Variants in DST observed in about 807,000 individuals in gnomAD.
DST encodes bullous pemphigoid antigen.
Under a neutral mutation model 875.2 loss-of-function variants are expected in DST, and 253 were observed. The observed-to-expected ratio is 0.29, with a 90% CI of 0.26 to 0.32. DST has a LOEUF of 0.32. Among genes scored for constraint, DST ranks in the 10% least tolerant of loss-of-function variants. The probability of loss-of-function intolerance (pLI) is 1.00; values close to 1 mark genes in which losing one functional copy is unlikely to be tolerated. For synonymous variants in DST, 3,124 were observed against 3,197.1 expected (o/e 0.98, Z 0.77); for missense variants, 8,287 against 9,111.6 (o/e 0.91, Z 3.68).
chr6:56,473,789 G>GC, intron 93 of DST, 84 bp downstream of exon 93: 1 of 1,358,152 alleles, frequency 7.4e-7, no homozygotes. Context: ...ATCACCAATT[G>GC]CCCCCAAATT....
At chr6:56,469,774 G>T in intron 97 of DST, 109 bp downstream of exon 97, 1 of 926,964 alleles carries the variant, frequency 1.1e-6, no homozygotes, top group East Asian at 2.5e-5. Context: ...TTTGACATGA[G>T]GTAAAAAAGT....
intron 2 of DST, among the ~76,000 whole-genome samples, chr6:56,947,611 G>C (rs1367905108): frequency 6.6e-6 from 1 of 152,146 alleles, no homozygotes; most frequent in African/African-American, 2.4e-5. Context: ...ATAATGTTAT[G>C]TCAAAGCCTT....
Position 56,607,844 on chromosome 6 carries a change from T to C in DST, c.6784A>G (p.Asn2262Asp), listed in dbSNP as rs556003488. The change falls in exon 40 of 104, where the codon AAT becomes GAT. Residue 2262 changes from asparagine to aspartate, a missense_variant. This residue lies in a region of DST where 3,138 missense variants were observed against 3,116.6 expected (regional missense o/e 1.01). Coordinates refer to ENST00000680361, the MANE Select transcript of DST (RefSeq NM_001374736.1). ...TCCTTTTCTCTACCTGAAGCATTAT[T>C]AAGAAATACACCAGATGAGCTTAAG... ...DVLSSSGVFL[N>D]NASGREKDEC... 278 of 1,613,600 alleles carry C rather than the reference T, an allele frequency of 1.7e-4. 1 individual carries two copies. The Middle Eastern group carries it at 2.1e-3, about 12-fold the overall frequency.
At position 56,605,688 on chromosome 6, in the gene DST, A is replaced by C; in HGVS notation, c.8940T>G (p.Asp2980Glu). 2.5e-6 allele frequency: 4 copies of C among 1,612,952 alleles called. No individual in the cohort carries two copies. The highest frequency in any genetic ancestry group is 3.4e-6 in the Non-Finnish European group (4 of 1,179,364). ...PELTDSVKGK[D>E]EYFKNMTPKV... ...TTGGTGTCATATTCTTAAAATATTC[A>C]TCTTTACCTTTCACAGAATCAGTCA... Residue 2980 changes from aspartate to glutamate, a missense_variant, in exon 40 of 104, where the codon GAT (aspartate) becomes GAG (glutamate). By Grantham distance (45) the Asp-to-Glu change is conservative. Around this residue, in one of 10 missense-constraint regions of DST, gnomAD observed 3,138 missense variants for 3,116.6 expected, o/e 1.01. Transcript: ENST00000680361.
At chr6:56,788,759 T>C (rs565336674) in intron 4 of DST, among the ~76,000 whole-genome samples, 1 of 152,378 alleles carries the variant, frequency 6.6e-6, no homozygotes, top group Non-Finnish European at 1.5e-5. Context: ...TACCATAACC[T>C]ACTTAATGAA....
At chr6:56,595,817 G>C (rs2098370181) in intron 47 of DST, among the ~76,000 whole-genome samples, 1 of 145,502 alleles carries the variant, frequency 6.9e-6, no homozygotes, top group East Asian at 1.9e-4. Context: ...GCACAAAATA[G>C]CATGGACAGA....
chr6:56,586,637 G>T (rs2098157254), intron 49 of DST, among the ~76,000 whole-genome samples: 1 of 152,104 alleles, frequency 6.6e-6, no homozygotes, highest in Admixed American at 6.5e-5. Context: ...TGACCCCCGA[G>T]CAGCCTAACT....
intron 2 of DST, among the ~76,000 whole-genome samples, chr6:56,943,282 G>A (rs750217496): frequency 2.1e-4 from 32 of 151,504 alleles, no homozygotes; most frequent in Middle Eastern, 6.8e-3. Context: ...AAATGGTTAC[G>A]AAATAATTCA....
rs1421478745 is a variant in DST, at chr6:56,598,545, T to C, written c.11859A>G (p.Leu3953=). 6.2e-7 allele frequency: 1 copy of C among 1,609,684 alleles called. No individual in the cohort carries two copies. The highest frequency in any genetic ancestry group is 1.3e-5 in the African/African-American group (1 of 74,826). The change falls in exon 46 of 104, where the codon TTA becomes TTG. Residue 3953 remains leucine, a synonymous_variant. Transcript: ENST00000680361. ...GCTCCTTTTTAGACTGTTCTGCTTT[T>C]AAATTAAGCTGTTCACACTTTATCT... ...EAKIKCEQLN[L]KAEQSKKELD... is the part of the protein sequence containing the mutation.
chr6:56,634,072 CAT>C (rs2098806446), intron 27 of DST, 58 bp downstream of exon 27: 2 of 1,595,272 alleles, frequency 1.3e-6, no homozygotes, highest in East Asian at 4.5e-5. Flanking sequence ...CTCTACGACA[CAT>C]ATGAAAAGGC....
At chr6:56,741,605 C>A (rs1384186553) in intron 4 of DST, among the ~76,000 whole-genome samples, 1 of 152,214 alleles carries the variant, frequency 6.6e-6, no homozygotes, top group Non-Finnish European at 1.5e-5. Flanking sequence ...AATCACACCA[C>A]TTTCCATACA....
intron 58 of DST, among the ~76,000 whole-genome samples, 182 bp downstream of exon 58, chr6:56,560,112 G>C (rs2097512622): frequency 6.6e-6 from 1 of 151,956 alleles, no homozygotes; most frequent in African/African-American, 2.4e-5. Context: ...AAAAACATAA[G>C]ATATGCCAAT....
Position 56,458,915 on chromosome 6 carries a change from A to G in DST, c.*90T>C. ...CAGAATTTTAAACTCGCCTCTTGCAATATTTCACAAGAATTTCTACACCAT... is the reference window on the plus strand; with the variant it reads ...CAGAATTTTAAACTCGCCTCTTGCAGTATTTCACAAGAATTTCTACACCAT... On this transcript the variant is annotated 3_prime_UTR_variant, in exon 104 of 104. Coordinates refer to ENST00000680361, the MANE Select transcript of DST (RefSeq NM_001374736.1). The G allele has an allele frequency of 1.5e-6, 2 of 1,348,870 alleles. No homozygotes were observed. The highest frequency in any genetic ancestry group is 2.1e-5 in the South Asian group (1 of 46,648). 83.6% of individuals were successfully genotyped at this position (1,348,870 alleles called of 1,614,324 possible).
chr6:56,650,491 C>T lies in DST; in HGVS notation c.1434+435G>A, dbSNP rs569968350. Among the ~76,000 whole-genome samples the T allele has an allele frequency of 3.3e-5, 5 of 152,244 alleles. No homozygotes were observed. In the East Asian group the frequency reaches 9.6e-4, roughly 29 times the overall value. ...CCAATAATTTTCCTCTGGAGTCCTC[C>T]TTTAAATCACAAAAATGTTATCAAG... is the stretch of plus-strand genomic sequence containing the variant. On this transcript the variant is annotated intron_variant, in intron 12 of 103. Transcript: ENST00000680361.
At chr6:56,951,342 A>G (rs1441905299) in intron 2 of DST, among the ~76,000 whole-genome samples, 2 of 152,236 alleles carry the variant, frequency 1.3e-5, no homozygotes, top group Non-Finnish European at 2.9e-5. Flanking sequence ...AGAAAGTACT[A>G]AATTCTTAGT....
At chr6:56,653,888 T>C (rs1248421000) in intron 10 of DST, among the ~76,000 whole-genome samples, 1 of 152,198 alleles carries the variant, frequency 6.6e-6, no homozygotes, top group African/African-American at 2.4e-5. Flanking sequence ...CTCACTGGGA[T>C]AACACAACCT....
At chr6:56,481,101 T>C (rs927536551) in intron 90 of DST, among the ~76,000 whole-genome samples, 3 of 152,322 alleles carry the variant, frequency 2.0e-5, no homozygotes, top group African/African-American at 7.2e-5. Context: ...TTAAATGACA[T>C]GGCAATATTT....
At chr6:56,933,050 A>G (rs1025117381) in intron 2 of DST, among the ~76,000 whole-genome samples, 9 of 152,062 alleles carry the variant, frequency 5.9e-5, no homozygotes, top group African/African-American at 1.9e-4. Context: ...CCCCCACCGA[A>G]CAGCATGTAG....
chr6:56,841,337 G>A (rs1009145018), intron 4 of DST, among the ~76,000 whole-genome samples: 1 of 152,140 alleles, frequency 6.6e-6, no homozygotes, highest in African/African-American at 2.4e-5. Flanking sequence ...AGTACAAATT[G>A]ATGAACTAAG....
Sources: allele counts gnomAD v4.1 joint callset (sites outside exome capture counted in the v4.1 genomes callset), GRCh38; gene constraint gnomAD v4.1.1; regional missense constraint gnomAD v4.1.1; transcripts MANE v1.5; gene names NCBI Gene and HGNC (gene_info 2026-07-23, HGNC 2026-07-21).